JAZF1: variants seen among roughly 807,000 people sequenced by gnomAD.
JAZF1 encodes juxtaposed with another zinc finger protein 1.
Under a neutral mutation model 26.4 loss-of-function variants are expected in JAZF1, and 8 were observed. The ratio of observed to expected loss-of-function variants is 0.30; its 90% CI spans 0.18 to 0.55. JAZF1 has a LOEUF of 0.55. Ranked by LOEUF, JAZF1 falls within the 20% of genes least tolerant of loss-of-function variation. The probability of loss-of-function intolerance (pLI) is 0.94; values close to 1 mark genes in which losing one functional copy is unlikely to be tolerated. For synonymous variants in JAZF1, 126 were observed against 122.3 expected (o/e 1.03, Z -0.20); for missense variants, 199 against 322.0 (o/e 0.62, Z 2.92).
chr7:28,001,430 T>C (rs1786159401), intron 1 of JAZF1, among the ~76,000 whole-genome samples: 1 of 152,162 alleles, frequency 6.6e-6, no homozygotes, highest in African/African-American at 2.4e-5. Context: ...CTACAATGTT[T>C]GTCAATATAG....
chr7:27,956,609 A>G lies in JAZF1; in HGVS notation c.188+35300T>C, dbSNP rs982982706. ...TGGGGAGAAAGTCTATTTTCTCTTC[A>G]TAAAAGTGCCAGGGACTGCTCTTCT... On this transcript the variant is annotated intron_variant, in intron 2 of 4. Coordinates refer to ENST00000283928, the MANE Select transcript of JAZF1 (RefSeq NM_175061.4). Among the ~76,000 whole-genome samples the G allele has an allele frequency of 1.2e-4, 18 of 152,166 alleles. 1 individual carries two copies. The highest frequency in any genetic ancestry group is 4.3e-4 in the African/African-American group (18 of 41,436).
intron 1 of JAZF1, among the ~76,000 whole-genome samples, chr7:28,141,897 G>C (rs1239984116): frequency 6.6e-6 from 1 of 151,848 alleles, no homozygotes; most frequent in Non-Finnish European, 1.5e-5. Flanking sequence ...ACTTGTTACT[G>C]GTCAATATTA....
intron 3 of JAZF1, among the ~76,000 whole-genome samples, chr7:27,879,688 T>C (rs990580787): frequency 1.3e-5 from 2 of 152,150 alleles, no homozygotes; most frequent in Non-Finnish European, 2.9e-5. Context: ...CCATCCTACA[T>C]TTAGTATCTT....
chr7:28,034,524 G>A (rs141562705), intron 1 of JAZF1, among the ~76,000 whole-genome samples: 2 of 143,632 alleles, frequency 1.4e-5, no homozygotes, highest in African/African-American at 2.5e-5. Context: ...TTTTTATAAT[G>A]GAGCATTTAA....
At chr7:27,850,285 G>A (rs1048635111) in intron 3 of JAZF1, among the ~76,000 whole-genome samples, 1 of 152,200 alleles carries the variant, frequency 6.6e-6, no homozygotes, top group Admixed American at 6.5e-5. Context: ...TGATTACAAT[G>A]AAAGACACAT....
At chr7:28,170,776 A>C (rs1318434293) in intron 1 of JAZF1, among the ~76,000 whole-genome samples, 2 of 152,186 alleles carry the variant, frequency 1.3e-5, no homozygotes, top group Non-Finnish European at 2.9e-5. Flanking sequence ...GCCTTCAATG[A>C]AAATGCAAAC....
Position 27,902,617 on chromosome 7 carries a change from G to A in JAZF1, c.189-7201C>T, listed in dbSNP as rs536931429. ...TATAAATGGTGACAATGACAGGTCC[G>A]ACCAAGGGTTGTGGTGAGGATTAAG... On this transcript the variant is annotated intron_variant, in intron 2 of 4. Transcript: ENST00000283928. Among the ~76,000 whole-genome samples the A allele has an allele frequency of 3.2e-4, 48 of 152,310 alleles. No individual in the cohort carries two copies. In the South Asian group the frequency reaches 5.2e-3, roughly 16 times the overall value.
At chr7:28,146,348 T>C (rs569515691) in intron 1 of JAZF1, among the ~76,000 whole-genome samples, 247 of 152,336 alleles carry the variant, frequency 1.6e-3, no homozygotes, top group African/African-American at 5.6e-3. Flanking sequence ...TAGGGAACAG[T>C]GATATACCAG....
At chr7:28,037,036 G>A (rs888066951) in intron 1 of JAZF1, among the ~76,000 whole-genome samples, 1 of 152,180 alleles carries the variant, frequency 6.6e-6, no homozygotes, top group African/African-American at 2.4e-5. Context: ...ACACAGTGGA[G>A]CACACCCTTA....
At chr7:27,974,889 T>TG (rs200806828) in intron 2 of JAZF1, among the ~76,000 whole-genome samples, 1 of 7,700 alleles carries the variant, frequency 1.3e-4, no homozygotes, top group African/African-American at 1.9e-3. Context: ...CTTAGGGAGT[T>TG]TTTTTTTTTT....
chr7:28,079,050 C>T lies in JAZF1; in HGVS notation c.116-87069G>A, dbSNP rs375677585. Among the ~76,000 whole-genome samples the T allele has an allele frequency of 7.5e-4, 112 of 150,108 alleles. No individual in the cohort carries two copies. In the Middle Eastern group the frequency reaches 0.014, roughly 18 times the overall value. On this transcript the variant is annotated intron_variant, in intron 1 of 4. Transcript: ENST00000283928. Reference sequence around the variant, plus strand: ...GTTGCCCAGGCTGGAGTGCAAGTGGCGTGATCTCTGCTCACTGCAACCTCC... The same window carrying T: ...GTTGCCCAGGCTGGAGTGCAAGTGGTGTGATCTCTGCTCACTGCAACCTCC...
At chr7:27,904,953 A>C (rs1265143030) in intron 2 of JAZF1, among the ~76,000 whole-genome samples, 1 of 152,188 alleles carries the variant, frequency 6.6e-6, no homozygotes, top group Non-Finnish European at 1.5e-5. Flanking sequence ...TTTCTTTTTA[A>C]GACAGGGTCT....
intron 2 of JAZF1, among the ~76,000 whole-genome samples, chr7:27,905,536 TTTTA>T (rs1026575774): frequency 4.0e-5 from 6 of 151,556 alleles, no homozygotes; most frequent in Admixed American, 2.6e-4. Context: ...GACAATCATA[TTTTA>T]TTTATTTTTC....
chr7:27,843,452 A>G (rs545895962), intron 3 of JAZF1: 1 of 152,368 alleles, frequency 6.6e-6, no homozygotes, highest in East Asian at 1.9e-4. Context: ...TCCATAGAGT[A>G]TGCACTGAAA....
intron 1 of JAZF1, among the ~76,000 whole-genome samples, chr7:28,007,848 C>T (rs1307672915): frequency 6.6e-6 from 1 of 152,158 alleles, no homozygotes; most frequent in African/African-American, 2.4e-5. Context: ...TTGCTCCCAC[C>T]CCATGCATGG....
At chr7:27,861,208 C>T (rs569461790) in intron 3 of JAZF1, among the ~76,000 whole-genome samples, 2 of 152,292 alleles carry the variant, frequency 1.3e-5, no homozygotes, top group East Asian at 1.9e-4. Flanking sequence ...CTCAGCTTCT[C>T]GCTGCTCTCT....
At chr7:27,998,077 G>GGCAGGCAGGCAGGCA (rs1786058800) in intron 1 of JAZF1, among the ~76,000 whole-genome samples, 1 of 151,596 alleles carries the variant, frequency 6.6e-6, no homozygotes. Flanking sequence ...AAGGAAGGCA[G>GGCAGGCAGGCAGGCA]GCAGGCAGGC....
chr7:28,015,870 T>C (rs17156187), intron 1 of JAZF1, among the ~76,000 whole-genome samples: 7,074 of 152,186 alleles, frequency 0.046, 265 homozygotes, highest in African/African-American at 0.097. Context: ...ATAACTGCTG[T>C]GATGGAGATG....
At chr7:28,123,552 G>A (rs527246377) in intron 1 of JAZF1, among the ~76,000 whole-genome samples, 1 of 152,350 alleles carries the variant, frequency 6.6e-6, no homozygotes, top group South Asian at 2.1e-4. Flanking sequence ...CTGAATGAAC[G>A]AATGACCTTC....
Sources: gnomAD v4.1 joint callset for allele counts (sites outside exome capture counted in the v4.1 genomes callset) on GRCh38, gnomAD v4.1.1 for gene constraint, MANE v1.5 for transcripts, NCBI Gene and HGNC (gene_info 2026-07-23, HGNC 2026-07-21) for gene names.